The following FRMPD4 variants were observed in gnomAD, a reference collection of about 807,000 sequenced individuals.
FRMPD4 encodes FERM and PDZ domain containing 4, also known as FERM and PDZ domain-containing protein 4.
In FRMPD4, 22 loss-of-function variants were observed where a neutral mutation model predicts 94.1. The observed-to-expected ratio is 0.23, with a 90% confidence interval of 0.17 to 0.33. The LOEUF is 0.33. Among genes scored for constraint, FRMPD4 ranks in the 10% least tolerant of loss-of-function variants. The pLI is 1.00. For missense variants in FRMPD4, 1,111 were observed against 1,339.9 expected (o/e 0.83, Z 2.67); for synonymous variants, 631 against 548.6 (o/e 1.15, Z -2.10).
At chrX:11,979,481 C>T (rs781485570) in intron 3 of FRMPD4, among the ~76,000 whole-genome samples, 5 of 112,176 alleles carry the variant, frequency 4.5e-5, no homozygotes, top group South Asian at 3.8e-4. Flanking sequence ...GTGTTCATTT[C>T]GGTTCACATC....
chrX:12,571,937 G>T (rs965343297), intron 2 of FRMPD4, among the ~76,000 whole-genome samples: 1 of 112,039 alleles, frequency 8.9e-6, no homozygotes, highest in Non-Finnish European at 1.9e-5. Flanking sequence ...TAAACAAAGA[G>T]AACTTTTTCT....
At chrX:12,614,626 G>T (rs2059217172) in intron 3 of FRMPD4, among the ~76,000 whole-genome samples, 153 bp from the exon 4 acceptor site, 1 of 111,597 alleles carries the variant, frequency 9.0e-6, no homozygotes, top group Admixed American at 9.5e-5. Context: ...GTAAAGCCTG[G>T]GCCTCAGAAT....
intron 1 of FRMPD4, among the ~76,000 whole-genome samples, chrX:11,848,644 G>A (rs777913550): frequency 3.7e-4 from 41 of 109,822 alleles, no homozygotes; most frequent in Non-Finnish European, 6.8e-4. Context: ...AGTCAATTTG[G>A]GATATGTAGG....
At chrX:12,603,833 GC>G (rs1211664000) in intron 2 of FRMPD4, among the ~76,000 whole-genome samples, 3 of 110,551 alleles carry the variant, frequency 2.7e-5, no homozygotes, top group Non-Finnish European at 5.7e-5. Context: ...CAAGTACAGG[GC>G]CAAAAACTGC....
At chrX:12,106,284 A>G (rs2055296903) in intron 3 of FRMPD4, among the ~76,000 whole-genome samples, 1 of 112,105 alleles carries the variant, frequency 8.9e-6, no homozygotes, top group Non-Finnish European at 1.9e-5. Context: ...TGGACATTGC[A>G]TTTTGTAATT....
intron 1 of FRMPD4, among the ~76,000 whole-genome samples, chrX:12,380,762 ATATCT>A (rs2056307313): frequency 8.9e-6 from 1 of 112,115 alleles, no homozygotes; most frequent in Admixed American, 9.5e-5. Flanking sequence ...AGCAATTGTG[ATATCT>A]TATATTATTT....
intron 1 of FRMPD4, among the ~76,000 whole-genome samples, chrX:12,151,029 T>A (rs1391413355): frequency 8.9e-6 from 1 of 111,737 alleles, no homozygotes; most frequent in African/African-American, 3.3e-5. Context: ...TAGTTTTTTA[T>A]CGCTCTTTTG....
At chrX:12,498,418 A>T (rs1360035318) in intron 1 of FRMPD4, among the ~76,000 whole-genome samples, 3 of 111,396 alleles carry the variant, frequency 2.7e-5, no homozygotes, top group African/African-American at 9.8e-5. Flanking sequence ...ACTGCTTGTC[A>T]CATGGAGTTA....
At chrX:12,636,296 G>GT (rs1198853520) in intron 4 of FRMPD4, among the ~76,000 whole-genome samples, 3 of 110,876 alleles carry the variant, frequency 2.7e-5, no homozygotes, top group African/African-American at 9.8e-5. Flanking sequence ...TTTATTTATA[G>GT]TTTTTTTAAA....
intron 1 of FRMPD4, among the ~76,000 whole-genome samples, chrX:12,247,432 T>A (rs1199168215): frequency 8.9e-6 from 1 of 111,952 alleles, no homozygotes; most frequent in East Asian, 2.8e-4. Context: ...ATCATTGCTC[T>A]CTCCACTAAG....
chrX:12,454,081 TAATCTTTATTATGACTTCTTA>T (rs2057304218), intron 1 of FRMPD4, among the ~76,000 whole-genome samples: 1 of 112,343 alleles, frequency 8.9e-6, no homozygotes, highest in Non-Finnish European at 1.9e-5. Flanking sequence ...AGAAGAAAAC[TAATCTTTATTATGACTTCTTA>T]GAATATTCAA....
intron 3 of FRMPD4, among the ~76,000 whole-genome samples, chrX:12,083,656 G>T (rs2055080455): frequency 8.9e-6 from 1 of 112,660 alleles, no homozygotes; most frequent in Non-Finnish European, 1.9e-5. Context: ...TGTGAAAGCA[G>T]CCAGGAGAGA....
At chrX:12,692,035 C>G (rs1172420805) in intron 8 of FRMPD4, among the ~76,000 whole-genome samples, 1 of 111,834 alleles carries the variant, frequency 8.9e-6, no homozygotes, top group African/African-American at 3.3e-5. Flanking sequence ...ATGAAACCCC[C>G]CACAACGTTT....
intron 1 of FRMPD4, among the ~76,000 whole-genome samples, chrX:12,192,695 G>T (rs1477463693): frequency 1.3e-4 from 14 of 111,783 alleles, no homozygotes; most frequent in African/African-American, 4.2e-4. Flanking sequence ...ATTCCCAAAT[G>T]GTAGTGTCCA....
At chrX:12,563,239 T>TACAC (rs369700317) in intron 2 of FRMPD4, among the ~76,000 whole-genome samples, 10,477 of 96,708 alleles carry the variant, frequency 0.11, 892 homozygotes, top group African/African-American at 0.28. Context: ...TGTAAGTGTG[T>TACAC]ACACACACAC....
chrX:12,263,509 G>A (rs1447805677), intron 1 of FRMPD4, among the ~76,000 whole-genome samples: 1 of 111,865 alleles, frequency 8.9e-6, no homozygotes, highest in Non-Finnish European at 1.9e-5. Context: ...TGGCATTGGT[G>A]TGACATGAGC....
intron 14 of FRMPD4, among the ~76,000 whole-genome samples, chrX:12,712,263 T>C (rs1003319116): frequency 3.7e-5 from 4 of 108,622 alleles, no homozygotes; most frequent in African/African-American, 1.3e-4. Flanking sequence ...ATGAAAGAGA[T>C]AGAAGCCAGA....
intron 3 of FRMPD4, among the ~76,000 whole-genome samples, chrX:11,980,970 G>GTTAGAAATCAGCCACACTAGTTTGCTTCC (rs2054394302): frequency 9.0e-6 from 1 of 111,461 alleles, no homozygotes; most frequent in Non-Finnish European, 1.9e-5. Context: ...GTAAAGCTTG[G>GTTAGAAATCAGCCACACTAGTTTGCTTCC]TTAGAAATCA....
chrX:12,336,256 A>G (rs1381019248), intron 1 of FRMPD4, among the ~76,000 whole-genome samples: 1 of 111,519 alleles, frequency 9.0e-6, no homozygotes, highest in Non-Finnish European at 1.9e-5. Flanking sequence ...TCTCTGTCCA[A>G]TTTCAACTGG....
Sources: gnomAD v4.1 joint callset for allele counts (sites outside exome capture counted in the v4.1 genomes callset) on GRCh38, gnomAD v4.1.1 for gene constraint, MANE v1.5 for transcripts, NCBI Gene and HGNC (gene_info 2026-07-23, HGNC 2026-07-21) for gene names.